Variants in ZNF385D observed in about 807,000 individuals in gnomAD.
ZNF385D encodes the protein zinc finger protein 385D.
ZNF385D carries 15 observed loss-of-function variants against 35.8 expected under a neutral mutation model. That is an observed-to-expected ratio of 0.42 (90% confidence interval 0.28 to 0.64). ZNF385D has a LOEUF of 0.64. Ranked by LOEUF, ZNF385D falls within the 30% of genes least tolerant of loss-of-function variation. ZNF385D has a pLI of 0.23. For missense variants in ZNF385D, 474 were observed against 494.6 expected (o/e 0.96, Z 0.39); for synonymous variants, 212 against 186.8 (o/e 1.13, Z -1.10).
chr3:21,858,367 T>A (rs760146582), intron 3 of ZNF385D, among the ~76,000 whole-genome samples: 1 of 151,946 alleles, frequency 6.6e-6, no homozygotes, highest in Non-Finnish European at 1.5e-5. Context: ...AAGGTTCACA[T>A]GTGCTATGGT....
chr3:22,327,890 T>G (rs1355040013), intron 2 of ZNF385D, among the ~76,000 whole-genome samples: 1 of 152,216 alleles, frequency 6.6e-6, no homozygotes, highest in African/African-American at 2.4e-5. Flanking sequence ...TTTCAACACT[T>G]GAGGTGTAAC....
At chr3:22,151,499 C>T (rs1443253677) in intron 3 of ZNF385D, among the ~76,000 whole-genome samples, 1 of 152,082 alleles carries the variant, frequency 6.6e-6, no homozygotes, top group Non-Finnish European at 1.5e-5. Context: ...CAAATTCACT[C>T]AATTTAAATT....
At chr3:21,597,100 C>A (rs2064148057) in intron 2 of ZNF385D, among the ~76,000 whole-genome samples, 1 of 151,886 alleles carries the variant, frequency 6.6e-6, no homozygotes, top group Admixed American at 6.6e-5. Context: ...TGACTGGAAA[C>A]CAAGGCATTT....
At chr3:22,042,258 C>G (rs900466835) in intron 3 of ZNF385D, among the ~76,000 whole-genome samples, 2 of 152,038 alleles carry the variant, frequency 1.3e-5, no homozygotes, top group African/African-American at 4.8e-5. Flanking sequence ...AGATAACAGT[C>G]TCTTCCTTCT....
chr3:21,441,074 A>G (rs1701835498), intron 4 of ZNF385D, among the ~76,000 whole-genome samples: 1 of 152,168 alleles, frequency 6.6e-6, no homozygotes, highest in South Asian at 2.1e-4. Flanking sequence ...AAGAAGGCCA[A>G]TAAACATAGA....
At chr3:22,015,916 C>T (rs1696858496) in intron 3 of ZNF385D, among the ~76,000 whole-genome samples, 2 of 152,054 alleles carry the variant, frequency 1.3e-5, no homozygotes, top group South Asian at 2.1e-4. Context: ...GAAAAAAAGA[C>T]ATCTTTTTTC....
chr3:22,228,788 G>A (rs1237488784), intron 2 of ZNF385D, among the ~76,000 whole-genome samples: 1 of 152,174 alleles, frequency 6.6e-6, no homozygotes. Context: ...ATAAAAGCAG[G>A]CAGAAGAATG....
intron 1 of ZNF385D, among the ~76,000 whole-genome samples, chr3:21,716,009 CAACTTTGAAT>C (rs1444640933): frequency 6.6e-6 from 1 of 152,064 alleles, no homozygotes; most frequent in African/African-American, 2.4e-5. Flanking sequence ...TCTAGTTATT[CAACTTTGAAT>C]AACTTTGAAT....
At chr3:21,425,356 A>G (rs753968109) in intron 6 of ZNF385D, 136 bp downstream of exon 6, 29 of 822,984 alleles carry the variant, frequency 3.5e-5, no homozygotes, top group Non-Finnish European at 4.2e-5. Context: ...GGGTTAACAG[A>G]TGGGCAGATG....
At chr3:22,171,388 A>T (rs1254581001) in intron 2 of ZNF385D, among the ~76,000 whole-genome samples, 3 of 152,298 alleles carry the variant, frequency 2.0e-5, no homozygotes, top group African/African-American at 7.2e-5. Flanking sequence ...AGCCTCTGAG[A>T]TTTATTTGCT....
chr3:21,918,246 C>G (rs1349632332), intron 3 of ZNF385D, among the ~76,000 whole-genome samples: 2 of 152,158 alleles, frequency 1.3e-5, no homozygotes, highest in African/African-American at 2.4e-5. Context: ...GTGGATGAGT[C>G]TTAGGGCAGG....
At chr3:21,901,465 T>C (rs541965878) in intron 3 of ZNF385D, among the ~76,000 whole-genome samples, 14 of 152,312 alleles carry the variant, frequency 9.2e-5, no homozygotes, top group African/African-American at 3.1e-4. Flanking sequence ...TAGGCAATAA[T>C]GTAATAATAG....
intron 2 of ZNF385D, among the ~76,000 whole-genome samples, chr3:21,648,711 T>C (rs1314072124): frequency 6.6e-6 from 1 of 152,008 alleles, no homozygotes; most frequent in East Asian, 1.9e-4. Flanking sequence ...TGAATTGGAG[T>C]AGAATTGGAA....
chr3:21,914,424 T>C (rs1375126086), intron 3 of ZNF385D, among the ~76,000 whole-genome samples: 4 of 150,504 alleles, frequency 2.7e-5, no homozygotes, highest in African/African-American at 4.9e-5. Context: ...TTTTCAAATA[T>C]TGAAGAAATG....
chr3:22,077,269 T>C (rs981833173), intron 3 of ZNF385D, among the ~76,000 whole-genome samples: 2 of 152,014 alleles, frequency 1.3e-5, no homozygotes, highest in African/African-American at 4.8e-5. Context: ...GACTAGATTA[T>C]GTTCCCATAC....
intron 3 of ZNF385D, among the ~76,000 whole-genome samples, chr3:22,020,284 A>T (rs934742880): frequency 6.6e-6 from 1 of 151,946 alleles, no homozygotes; most frequent in African/African-American, 2.4e-5. Context: ...ACACCCAGGC[A>T]GGAGTGGAAA....
At chr3:22,127,770 A>G (rs948173361) in intron 3 of ZNF385D, among the ~76,000 whole-genome samples, 1 of 152,148 alleles carries the variant, frequency 6.6e-6, no homozygotes, top group Non-Finnish European at 1.5e-5. Flanking sequence ...CAAAGGAAAA[A>G]CTAAAGACAT....
chr3:22,261,320 T>C (rs574544244), intron 2 of ZNF385D, among the ~76,000 whole-genome samples: 2 of 152,092 alleles, frequency 1.3e-5, no homozygotes, highest in South Asian at 4.1e-4. Flanking sequence ...TGCAGTATAA[T>C]ATAAGAAAAA....
At chr3:21,727,885 T>C (rs898387502) in intron 1 of ZNF385D, among the ~76,000 whole-genome samples, 21 of 152,146 alleles carry the variant, frequency 1.4e-4, no homozygotes, top group African/African-American at 4.8e-4. Context: ...TGTGGCACTA[T>C]TCACAATAGC....
Sources: allele counts gnomAD v4.1 joint callset (sites outside exome capture counted in the v4.1 genomes callset), GRCh38; gene constraint gnomAD v4.1.1; transcripts MANE v1.5; gene names NCBI Gene and HGNC (gene_info 2026-07-23, HGNC 2026-07-21).